NAA40: variants seen among roughly 807,000 people sequenced by gnomAD.
The protein encoded by NAA40 is N-alpha-acetyltransferase 40, NatD catalytic subunit.
Under a neutral mutation model 36.6 loss-of-function variants are expected in NAA40, and 26 were observed. The observed-to-expected ratio is 0.71, with a 90% confidence interval of 0.52 to 0.98. NAA40 has a LOEUF of 0.98. NAA40 is among the 50% of genes least tolerant of loss of function. The pLI, the probability that NAA40 is intolerant of heterozygous loss-of-function variation, is 0.00. For missense variants in NAA40, 237 were observed against 306.5 expected, an observed-to-expected ratio of 0.77 and a Z score of 1.69; for synonymous variants, 129 against 108.4, an observed-to-expected ratio of 1.19 and a Z score of -1.18.
chr11:63,949,987 G>T (rs1378609658), intron 3 of NAA40, among the ~76,000 whole-genome samples: 1 of 151,718 alleles, frequency 6.6e-6, no homozygotes, highest in African/African-American at 2.4e-5. Flanking sequence ...CTTGTGATCC[G>T]CCCGCCTCGG....
chr11:63,953,622 G>A (rs1942316104), intron 6 of NAA40, among the ~76,000 whole-genome samples: 1 of 151,994 alleles, frequency 6.6e-6, no homozygotes, highest in African/African-American at 2.4e-5. Flanking sequence ...CTTAGTCTCT[G>A]TGTCTTTTCT....
At chr11:63,945,757 A>G (rs1942175888) in intron 1 of NAA40, 83 bp from the exon 2 acceptor site, 2 of 1,181,756 alleles carry the variant, frequency 1.7e-6, no homozygotes, top group South Asian at 1.2e-5. Flanking sequence ...CTGTGGATGC[A>G]GGGCCCTTCG....
At position 63,951,077 on chromosome 11, in the gene NAA40, G is replaced by A. The variant is rs531101514; in HGVS notation, c.156-1161G>A. 4.6e-5 allele frequency among the ~76,000 whole-genome samples: 7 copies of A among 152,306 alleles called. No individual in the cohort carries two copies. In the East Asian group the frequency reaches 1.4e-3, roughly 29 times the overall value. On this transcript the variant is annotated intron_variant, in intron 3 of 7. Transcript: ENST00000377793. The stretch of plus-strand genomic sequence containing the variant: ...GCTGAGTGTGGTGTGCCAGTCAGTA[G>A]AGGTGATGGGATTCCAGTGCGTACA...
At position 63,955,975 on chromosome 11, in the gene NAA40, C is replaced by CCAACTCTGG. The variant is rs1280785780; in HGVS notation, c.*1499_*1507dup. 1 of 152,564 alleles carries CCAACTCTGG rather than the reference C, an allele frequency of 6.6e-6. No homozygotes were observed. 9.5% of individuals were successfully genotyped at this position (152,564 alleles called of 1,614,324 possible). On this transcript the variant is annotated 3_prime_UTR_variant, in exon 8 of 8. Coordinates refer to ENST00000377793, the MANE Select transcript of NAA40 (RefSeq NM_024771.4). ...CATCTGCTCACATCCCACCCTCTGCCCAACTCTGGCAGTCTCTCCTGGCAG... is the reference window on the plus strand; with the variant it reads ...CATCTGCTCACATCCCACCCTCTGCCCAACTCTGGCAACTCTGGCAGTCTCTCCTGGCAG...
rs750069556 is a variant in NAA40 at position 63,952,409 on chromosome 11, A to G, written c.254A>G (p.Tyr85Cys). The G allele has an allele frequency of 3.1e-6, 5 of 1,614,170 alleles. No individual in the cohort carries two copies. The highest frequency in any genetic ancestry group is 4.2e-6 in the Non-Finnish European group (5 of 1,180,014). The change falls in exon 5 of 8, where the codon TAT (tyrosine) becomes TGT (cysteine). Residue 85 changes from tyrosine (Y) to cysteine (C), a missense_variant and splice_region_variant. By Grantham distance (194) the Tyr-to-Cys change is radical (BLOSUM62 -2). Transcript: ENST00000377793. Reference protein sequence around the residue: ...DLTKTNMQTMYEQSEWGWKDR... With the variant: ...DLTKTNMQTMCEQSEWGWKDR... Reference sequence around the variant, plus strand: ...CTGACTGCTCCCAAATTCCCCAGGTATGAGCAGAGCGAGTGGGGCTGGAAG... The same window carrying G: ...CTGACTGCTCCCAAATTCCCCAGGTGTGAGCAGAGCGAGTGGGGCTGGAAG...
Position 63,945,931 on chromosome 11 carries a change from A to G in NAA40, c.98A>G (p.Asn33Ser). The change falls in exon 2 of 8, where the codon AAC becomes AGC. Residue 33 changes from asparagine (N) to serine (S), a missense_variant. By Grantham distance (46) the Asn-to-Ser change is conservative. Coordinates refer to ENST00000377793, the MANE Select transcript of NAA40 (RefSeq NM_024771.4). Reference sequence around the variant, plus strand: ...GTTTGTGCCAAAGTGGACGCTGCCAACAGGGTGATTCTCCCTTTCTTCCCA... The same window carrying G: ...GTTTGTGCCAAAGTGGACGCTGCCAGCAGGGTGATTCTCCCTTTCTTCCCA... ...DAVCAKVDAA[N>S]RLGDPLEAFP... 3.1e-6 allele frequency: 5 copies of G among 1,613,916 alleles called. No homozygotes were observed. The highest frequency in any genetic ancestry group is 1.7e-4 in the Middle Eastern group (1 of 6,040).
intron 3 of NAA40, among the ~76,000 whole-genome samples, chr11:63,949,381 G>C (rs1942239400): frequency 6.6e-6 from 1 of 152,030 alleles, no homozygotes; most frequent in Non-Finnish European, 1.5e-5. Context: ...GTGGGGTTGG[G>C]CATCTAGTGT....
chr11:63,939,557 A>T (rs1437077903), intron 1 of NAA40: 2 of 924,266 alleles, frequency 2.2e-6, no homozygotes, highest in African/African-American at 1.8e-5. Context: ...GGGGCGTCAG[A>T]CCCCACCTTG....
Position 63,952,788 on chromosome 11 carries a change from G to T in NAA40, c.443G>T (p.Arg148Leu). ...GTGCAGTTGGAAAGCAAGGTGCGGC[G>T]GAAAGGCCTGGGGAAGTTCCTCATA... Reference protein sequence around the residue: ...YEVQLESKVRRKGLGKFLIQI... With the variant: ...YEVQLESKVRLKGLGKFLIQI... The change falls in exon 6 of 8, where the codon CGG becomes CTG. Residue 148 changes from arginine (R) to leucine (L), a missense_variant. Coordinates refer to ENST00000377793, the MANE Select transcript of NAA40 (RefSeq NM_024771.4). 6.2e-7 allele frequency: 1 copy of T among 1,614,092 alleles called. No homozygotes were observed. The highest frequency in any genetic ancestry group is 8.5e-7 in the Non-Finnish European group (1 of 1,180,034).
chr11:63,940,040 C>CTTTTTT, intron 1 of NAA40, among the ~76,000 whole-genome samples: 1 of 77,754 alleles, frequency 1.3e-5, no homozygotes, highest in African/African-American at 4.5e-5. Context: ...TGGCTGTATT[C>CTTTTTT]TTTTTTTTTT....
chr11:63,942,544 G>A (rs11231649), intron 1 of NAA40, among the ~76,000 whole-genome samples: 6,082 of 152,226 alleles, frequency 0.04, 145 homozygotes, highest in South Asian at 0.089. Context: ...TCAAAATCCC[G>A]CACTCTCTTT....
chr11:63,939,053 C>G lies in NAA40; in HGVS notation c.-44C>G. 1 of 1,601,424 alleles carries G rather than the reference C, an allele frequency of 6.2e-7. No homozygotes were observed. Among genetic ancestry groups the G allele is most frequent in the Non-Finnish European group, 8.5e-7 (1 of 1,174,708 alleles). Reference sequence around the variant, plus strand: ...AGCCACCGCCGTTGCCGCCTCCCTGCCGGCAAGTGTGTGAAGAAGAAGCTG... The same window carrying G: ...AGCCACCGCCGTTGCCGCCTCCCTGGCGGCAAGTGTGTGAAGAAGAAGCTG... On this transcript the variant is annotated 5_prime_UTR_variant, in exon 1 of 8. Transcript: ENST00000377793.
intron 1 of NAA40, among the ~76,000 whole-genome samples, chr11:63,943,982 G>A (rs1406306959): frequency 1.3e-5 from 2 of 152,248 alleles, no homozygotes; most frequent in East Asian, 3.9e-4. Context: ...TCTCTATTTT[G>A]TTCCTTCCTC....
At position 63,952,256 on chromosome 11, in the gene NAA40, A is replaced by G; in HGVS notation, c.174A>G (p.Glu58=). The change falls in exon 4 of 8, where the codon GAA becomes GAG. Residue 58 remains glutamate (E), a synonymous_variant. Coordinates refer to ENST00000377793, the MANE Select transcript of NAA40 (RefSeq NM_024771.4). ...TTCTCAGGTTGAATGTCTCCATTGAATGTAAGCGAGTGTCTGGACTGGAGC... is the reference window on the plus strand; with the variant it reads ...TTCTCAGGTTGAATGTCTCCATTGAGTGTAAGCGAGTGTCTGGACTGGAGC... ...YDRNGLNVSI[E]CKRVSGLEPA... 1.2e-6 allele frequency: 2 copies of G among 1,612,924 alleles called. No individual in the cohort carries two copies. The highest frequency in any genetic ancestry group is 4.5e-5 in the East Asian group (2 of 44,880).
chr11:63,943,040 T>C (rs934334671), intron 1 of NAA40, among the ~76,000 whole-genome samples: 1 of 152,190 alleles, frequency 6.6e-6, no homozygotes, highest in Non-Finnish European at 1.5e-5. Flanking sequence ...CCCTGAGCCC[T>C]GTATAAGAGA....
chr11:63,946,926 G>C (rs1357274320), intron 2 of NAA40, 25 bp from the exon 3 acceptor site: 3 of 1,613,682 alleles, frequency 1.9e-6, no homozygotes, highest in African/African-American at 1.3e-5. Flanking sequence ...TGTCTGTGCT[G>C]TTCCTCTTTT....
chr11:63,953,388 C>T (rs1018980594), intron 6 of NAA40, among the ~76,000 whole-genome samples: 5 of 152,200 alleles, frequency 3.3e-5, no homozygotes, highest in South Asian at 2.1e-4. Context: ...CCTTCTGTAC[C>T]GAAGTAATGG....
At chr11:63,946,188 AGAG>A (rs1942183731) in intron 2 of NAA40, 2 of 507,112 alleles carry the variant, frequency 3.9e-6, no homozygotes, top group South Asian at 2.6e-5. Flanking sequence ...CCTTATGAAT[AGAG>A]GAGGATCTAG....
At chr11:63,947,115 G>GA in intron 3 of NAA40, 112 bp downstream of exon 3, 1 of 1,173,118 alleles carries the variant, frequency 8.5e-7, no homozygotes, top group Non-Finnish European at 1.3e-6. Flanking sequence ...TCGTATTTAC[G>GA]AAAAAACAGG....
Sources: allele counts gnomAD v4.1 joint callset (sites outside exome capture counted in the v4.1 genomes callset), GRCh38; gene constraint gnomAD v4.1.1; transcripts MANE v1.5; gene names NCBI Gene and HGNC (gene_info 2026-07-23, HGNC 2026-07-21).